CREB5: variants seen among roughly 807,000 people sequenced by gnomAD.
CREB5 encodes the protein cyclic AMP-responsive element-binding protein 5.
A neutral mutation model predicts 57.1 loss-of-function variants in CREB5; 19 were observed. The observed-to-expected ratio is 0.33, with a 90% CI of 0.23 to 0.49. The LOEUF is 0.49. Ranked by LOEUF, CREB5 falls within the 20% of genes least tolerant of loss-of-function variation. The pLI is 0.99. For synonymous variants in CREB5, 238 were observed against 238.3 expected, an observed-to-expected ratio of 1.00 and a Z score of 0.01; for missense variants, 579 against 671.6, an observed-to-expected ratio of 0.86 and a Z score of 1.52.
chr7:28,400,354 G>A lies in CREB5; in HGVS notation c.-24-94552G>A, dbSNP rs148949676. On this transcript the variant is annotated intron_variant, in intron 1 of 9. Coordinates refer to the CREB5 transcript ENST00000396299. ...AGAGTTGTCAGGATTAAACATGATGGAAGATATAACAGGCTTGACCCAGAG... is the reference window on the plus strand; with the variant it reads ...AGAGTTGTCAGGATTAAACATGATGAAAGATATAACAGGCTTGACCCAGAG... 3.0e-3 allele frequency among the ~76,000 whole-genome samples: 457 copies of A among 152,302 alleles called. 4 individuals are homozygous for A. The highest frequency in any genetic ancestry group is 6.1e-3 in the Admixed American group (93 of 15,306).
intron 7 of CREB5, among the ~76,000 whole-genome samples, chr7:28,741,251 A>C (rs1217287856): frequency 6.6e-6 from 1 of 152,154 alleles, no homozygotes; most frequent in African/African-American, 2.4e-5. Flanking sequence ...CTCACAAGAA[A>C]TGTCAGAGAT....
intron 1 of CREB5, among the ~76,000 whole-genome samples, chr7:28,307,022 C>T (rs1020270496): frequency 2.0e-5 from 3 of 152,146 alleles, no homozygotes; most frequent in African/African-American, 7.2e-5. Flanking sequence ...ATAAGAGTTA[C>T]CCTCATACTT....
Position 28,732,330 on chromosome 7 carries a change from G to A in CREB5, c.702+7998G>A, listed in dbSNP as rs148249699. 1.8e-3 allele frequency among the ~76,000 whole-genome samples: 277 copies of A among 152,176 alleles called. 1 individual carries two copies. Among genetic ancestry groups the A allele is most frequent in the African/African-American group, 6.3e-3 (261 of 41,508 alleles). On this transcript the variant is annotated intron_variant, in intron 7 of 10. Coordinates refer to ENST00000357727, the MANE Select transcript of CREB5 (RefSeq NM_182898.4). ...CTGCCTCTGTCACCCAGCCCAGCACGCGCATTGCTGGGTCTTGTTTTTATG... is the reference window on the plus strand; with the variant it reads ...CTGCCTCTGTCACCCAGCCCAGCACACGCATTGCTGGGTCTTGTTTTTATG...
intron 1 of CREB5, among the ~76,000 whole-genome samples, chr7:28,403,976 T>C (rs1787528222): frequency 6.6e-6 from 1 of 152,194 alleles, no homozygotes; most frequent in African/African-American, 2.4e-5. Flanking sequence ...TAAATGTAAA[T>C]ATAAGATCAC....
intron 5 of CREB5, among the ~76,000 whole-genome samples, chr7:28,706,830 A>G (rs1481948079): frequency 6.6e-6 from 1 of 152,114 alleles, no homozygotes; most frequent in Non-Finnish European, 1.5e-5. Context: ...GACTGTCCCT[A>G]GAAATCAGGA....
At chr7:28,632,391 T>A (rs563289548) in intron 5 of CREB5, among the ~76,000 whole-genome samples, 1 of 152,318 alleles carries the variant, frequency 6.6e-6, no homozygotes, top group East Asian at 1.9e-4. Flanking sequence ...CTGAACTGCC[T>A]GGCCAGGACT....
chr7:28,510,957 G>T (rs1393917400), intron 4 of CREB5, among the ~76,000 whole-genome samples: 1 of 152,036 alleles, frequency 6.6e-6, no homozygotes, highest in Non-Finnish European at 1.5e-5. Context: ...AAGAAATTTT[G>T]TTCATCATTT....
intron 1 of CREB5, among the ~76,000 whole-genome samples, chr7:28,444,710 C>T (rs545458249): frequency 9.9e-5 from 15 of 152,272 alleles, no homozygotes; most frequent in East Asian, 1.9e-4. Context: ...CTGCCCCTGT[C>T]GGCACCTGAA....
At chr7:28,305,173 A>G (rs1328366664) in intron 1 of CREB5, among the ~76,000 whole-genome samples, 3 of 152,172 alleles carry the variant, frequency 2.0e-5, no homozygotes, top group African/African-American at 7.2e-5. Context: ...ATTCACATTC[A>G]TAGTCTCCCC....
intron 5 of CREB5, among the ~76,000 whole-genome samples, chr7:28,600,206 C>G (rs969704241): frequency 6.6e-6 from 1 of 152,118 alleles, no homozygotes; most frequent in African/African-American, 2.4e-5. Context: ...TCCTTGAGCT[C>G]CCTGATGTGC....
chr7:28,696,787 C>A (rs1020360625), intron 5 of CREB5, among the ~76,000 whole-genome samples: 1 of 147,490 alleles, frequency 6.8e-6, no homozygotes, highest in African/African-American at 2.7e-5. Flanking sequence ...TATACACATA[C>A]GTATACGTAT....
chr7:28,333,362 C>T (rs898537010), intron 1 of CREB5, among the ~76,000 whole-genome samples: 5 of 152,228 alleles, frequency 3.3e-5, no homozygotes, highest in African/African-American at 1.2e-4. Context: ...AATGGCATAT[C>T]CATCAACTCA....
chr7:28,560,891 T>TGCGCGCGTGCGC lies in CREB5; in HGVS notation c.292-9473_292-9472insCGCGCGTGCGCG. ...CTGCGTGCGCGTGCGTGCGTGCGTG[T>TGCGCGCGTGCGC]GTGTGCGTGCGCGCGTGCGTGTGCG... On this transcript the variant is annotated intron_variant, in intron 4 of 10. Transcript: ENST00000357727. Among the ~76,000 whole-genome samples, 5 of 19,726 alleles carry TGCGCGCGTGCGC rather than the reference T, an allele frequency of 2.5e-4. 1 individual carries two copies. The South Asian group carries it at 0.016, about 62-fold the overall frequency. 12.9% of individuals were successfully genotyped at this position (19,726 alleles called of 152,430 possible). A position where few individuals can be genotyped will look rare whatever the true frequency, so the allele number is the denominator to read the frequency against.
At chr7:28,417,001 T>C (rs1362980908) in intron 1 of CREB5, among the ~76,000 whole-genome samples, 3 of 152,174 alleles carry the variant, frequency 2.0e-5, no homozygotes, top group Non-Finnish European at 4.4e-5. Flanking sequence ...ATTGATGGCA[T>C]AACAAGCTCT....
intron 1 of CREB5, among the ~76,000 whole-genome samples, chr7:28,459,641 T>C (rs73684373): frequency 0.019 from 2,906 of 152,260 alleles, 86 homozygotes; most frequent in African/African-American, 0.066. Context: ...CATTTATGGA[T>C]TGGCTGATGT....
At chr7:28,363,368 T>C (rs1457173716) in intron 1 of CREB5, among the ~76,000 whole-genome samples, 3 of 152,162 alleles carry the variant, frequency 2.0e-5, no homozygotes, top group Non-Finnish European at 1.5e-5. Context: ...TTTGGGATGC[T>C]GACCCTGAAT....
At chr7:28,447,511 C>T (rs1316699817) in intron 1 of CREB5, among the ~76,000 whole-genome samples, 1 of 152,198 alleles carries the variant, frequency 6.6e-6, no homozygotes, top group Non-Finnish European at 1.5e-5. Context: ...CTCAGCTAAG[C>T]CCAACCTCCA....
At chr7:28,369,052 C>A (rs925987223) in intron 1 of CREB5, among the ~76,000 whole-genome samples, 47 of 129,376 alleles carry the variant, frequency 3.6e-4, no homozygotes, top group Non-Finnish European at 1.5e-4. Context: ...CTCAAAAAAA[C>A]AAAACAAACA....
intron 1 of CREB5, among the ~76,000 whole-genome samples, chr7:28,346,487 T>C (rs1405080115): frequency 6.6e-6 from 1 of 152,212 alleles, no homozygotes; most frequent in African/African-American, 2.4e-5. Flanking sequence ...ACCATCACCT[T>C]AGGGGTTAGG....
Sources: allele counts gnomAD v4.1 joint callset (sites outside exome capture counted in the v4.1 genomes callset), GRCh38; gene constraint gnomAD v4.1.1; transcripts MANE v1.5; gene names NCBI Gene and HGNC (gene_info 2026-07-23, HGNC 2026-07-21).